TBC1D32: variants seen among roughly 807,000 people sequenced by gnomAD.
TBC1D32 encodes protein broad-minded.
A neutral mutation model predicts 170.3 loss-of-function variants in TBC1D32; 151 were observed. The observed-to-expected ratio is 0.89, with a 90% CI of 0.78 to 1.01. The LOEUF (loss-of-function observed/expected upper bound fraction) is 1.01. Among genes scored for constraint, TBC1D32 ranks in the 50% least tolerant of loss-of-function variants. TBC1D32 has a pLI of 0.00. For synonymous variants in TBC1D32, 498 were observed against 488.0 expected (o/e 1.02, Z -0.27); for missense variants, 1,464 against 1,457.1 (o/e 1.00, Z -0.08).
chr6:121,334,090 G>A (rs1811561421), intron 1 of TBC1D32, among the ~76,000 whole-genome samples, 186 bp downstream of exon 1: 1 of 151,872 alleles, frequency 6.6e-6, no homozygotes, highest in East Asian at 1.9e-4. Context: ...AGAAAGAGGC[G>A]GCAGAAGCTT....
At chr6:121,184,637 C>T (rs184731379) in intron 22 of TBC1D32, among the ~76,000 whole-genome samples, 4 of 151,944 alleles carry the variant, frequency 2.6e-5, no homozygotes, top group African/African-American at 4.8e-5. Context: ...ATCACTTGGA[C>T]CTTTACTCCA....
chr6:121,162,148 G>C (rs1418088198), intron 22 of TBC1D32, among the ~76,000 whole-genome samples: 1 of 152,126 alleles, frequency 6.6e-6, no homozygotes, highest in Non-Finnish European at 1.5e-5. Context: ...TAGGTTGTCT[G>C]TCCACTCTGA....
intron 25 of TBC1D32, 96 bp from the exon 26 acceptor site, chr6:121,126,557 G>T: frequency 1.2e-6 from 1 of 801,040 alleles, no homozygotes; most frequent in Non-Finnish European, 2.1e-6. Context: ...AAAGTCATCT[G>T]AACTTCACAG....
intron 22 of TBC1D32, chr6:121,170,329 A>G (rs1199491427): frequency 3.0e-6 from 4 of 1,350,734 alleles, no homozygotes; most frequent in South Asian, 1.7e-5. Context: ...TAAACAAGCT[A>G]TATCAAAAAT....
At chr6:121,206,221 A>G (rs562779880) in intron 21 of TBC1D32, among the ~76,000 whole-genome samples, 21 of 152,014 alleles carry the variant, frequency 1.4e-4, no homozygotes, top group African/African-American at 4.6e-4. Context: ...GAAAAGAAAA[A>G]AAAAAAAAAA....
At chr6:121,271,434 C>T (rs143913571) in intron 15 of TBC1D32, among the ~76,000 whole-genome samples, 4,995 of 152,102 alleles carry the variant, frequency 0.033, 198 homozygotes, top group East Asian at 0.12. Context: ...ACAAAATCAA[C>T]GTGTAAAAAT....
At chr6:121,120,530 T>G (rs922123802) in intron 26 of TBC1D32, among the ~76,000 whole-genome samples, 3 of 152,068 alleles carry the variant, frequency 2.0e-5, no homozygotes, top group Non-Finnish European at 4.4e-5. Flanking sequence ...CACTTCTTAC[T>G]CATTTCCTAT....
intron 22 of TBC1D32, among the ~76,000 whole-genome samples, chr6:121,186,369 C>T (rs1029710788): frequency 9.2e-5 from 14 of 151,858 alleles, no homozygotes; most frequent in Admixed American, 3.9e-4. Flanking sequence ...GGAAGACTAA[C>T]GCAAACCAAT....
intron 23 of TBC1D32, 62 bp downstream of exon 23, chr6:121,160,886 G>A: frequency 7.7e-7 from 1 of 1,290,602 alleles, no homozygotes; most frequent in South Asian, 1.2e-5. Context: ...ACTTTGAGTT[G>A]GCTATCTTGC....
chr6:121,205,248 G>T, intron 21 of TBC1D32, 85 bp from the exon 22 acceptor site: 1 of 648,294 alleles, frequency 1.5e-6, no homozygotes, highest in South Asian at 2.9e-5. Context: ...TTAGATTTGT[G>T]GCTCTCAAAT....
chr6:121,285,293 G>A (rs2128451641), intron 12 of TBC1D32, among the ~76,000 whole-genome samples: 1 of 152,304 alleles, frequency 6.6e-6, no homozygotes, highest in Non-Finnish European at 1.5e-5. Context: ...AAAAGTGCAT[G>A]GGTTGAAGTC....
At chr6:121,275,567 T>C (rs1329662071) in intron 15 of TBC1D32, among the ~76,000 whole-genome samples, 3 of 152,132 alleles carry the variant, frequency 2.0e-5, no homozygotes, top group Non-Finnish European at 4.4e-5. Flanking sequence ...CTTTCATTCA[T>C]TAGGTTGCCA....
intron 21 of TBC1D32, among the ~76,000 whole-genome samples, chr6:121,211,225 A>T (rs1793010181): frequency 6.6e-6 from 1 of 152,210 alleles, no homozygotes; most frequent in African/African-American, 2.4e-5. Context: ...CTCCAAGATA[A>T]GTAACAGAAA....
chr6:121,294,756 A>T, intron 10 of TBC1D32, 96 bp from the exon 11 acceptor site: 2 of 958,038 alleles, frequency 2.1e-6, no homozygotes, highest in South Asian at 2.7e-5. Flanking sequence ...ACTTTGGAGA[A>T]ATATTTGAGA....
intron 26 of TBC1D32, among the ~76,000 whole-genome samples, chr6:121,116,167 G>A (rs973123435): frequency 6.6e-6 from 1 of 151,082 alleles, no homozygotes; most frequent in Non-Finnish European, 1.5e-5. Flanking sequence ...AGAATATCAT[G>A]AAGTTTTTTT....
intron 21 of TBC1D32, among the ~76,000 whole-genome samples, chr6:121,219,005 T>G (rs1052097302): frequency 6.6e-6 from 1 of 152,176 alleles, no homozygotes; most frequent in South Asian, 2.1e-4. Context: ...GTCTCAAGTA[T>G]GTCTTTATTA....
At chr6:121,189,643 C>CTA (rs1789680118) in intron 22 of TBC1D32, among the ~76,000 whole-genome samples, 1 of 151,936 alleles carries the variant, frequency 6.6e-6, no homozygotes, top group Admixed American at 6.6e-5. Context: ...CATCATAACA[C>CTA]TATACACAGC....
chr6:121,131,541 T>A, intron 25 of TBC1D32, 86 bp downstream of exon 25: 1 of 1,394,930 alleles, frequency 7.2e-7, no homozygotes, highest in South Asian at 1.4e-5. Context: ...TTTCTACATA[T>A]GCCAATACTA....
At chr6:121,091,080 A>T (rs558860359) in intron 30 of TBC1D32, 39 bp from the exon 31 acceptor site, 2 of 1,503,710 alleles carry the variant, frequency 1.3e-6, no homozygotes, top group South Asian at 1.2e-5. Context: ...TAAAAAATTT[A>T]TAAAACCACA....
Sources: allele counts gnomAD v4.1 joint callset (sites outside exome capture counted in the v4.1 genomes callset), GRCh38; gene constraint gnomAD v4.1.1; transcripts MANE v1.5; gene names NCBI Gene and HGNC (gene_info 2026-07-23, HGNC 2026-07-21).